SREK1IP1: variants seen among roughly 807,000 people sequenced by gnomAD.
The protein encoded by SREK1IP1 is protein SREK1IP1.
In SREK1IP1, 12 loss-of-function variants were observed where a neutral mutation model predicts 22.8. The observed-to-expected ratio is 0.53, with a 90% confidence interval of 0.34 to 0.85. The LOEUF (loss-of-function observed/expected upper bound fraction) is 0.85, where lower values mean the gene tolerates loss of function less well. Ranked by LOEUF, SREK1IP1 falls within the 40% of genes least tolerant of loss-of-function variation. The probability of loss-of-function intolerance (pLI) is 0.02; values close to 1 mark genes in which losing one functional copy is unlikely to be tolerated. For missense variants in SREK1IP1, 147 were observed against 171.8 expected, an observed-to-expected ratio of 0.86 and a Z score of 0.81; for synonymous variants, 53 against 52.7, an observed-to-expected ratio of 1.01 and a Z score of -0.02.
At chr5:64,725,844 T>C (rs1215952580) in intron 4 of SREK1IP1, among the ~76,000 whole-genome samples, 2 of 132,836 alleles carry the variant, frequency 1.5e-5, no homozygotes, top group Non-Finnish European at 3.0e-5. Flanking sequence ...TCCTGAAGTT[T>C]TTTTTTTTGT....
intron 1 of SREK1IP1, among the ~76,000 whole-genome samples, chr5:64,758,683 A>C (rs867210415): frequency 1.8e-4 from 27 of 152,356 alleles, no homozygotes; most frequent in Admixed American, 5.2e-4. Flanking sequence ...AAATGTTGTA[A>C]TAGATCTGAA....
intron 1 of SREK1IP1, among the ~76,000 whole-genome samples, chr5:64,759,524 T>C (rs1561392384): frequency 1.3e-5 from 2 of 151,960 alleles, no homozygotes; most frequent in African/African-American, 2.4e-5. Context: ...AAATTTGACA[T>C]TGGAAAAAAA....
At chr5:64,756,014 G>C (rs991548138) in intron 1 of SREK1IP1, among the ~76,000 whole-genome samples, 1 of 151,958 alleles carries the variant, frequency 6.6e-6, no homozygotes, top group African/African-American at 2.4e-5. Context: ...ATTTTGACAA[G>C]AGAAAACAAA....
At chr5:64,740,081 G>A (rs557856047) in intron 3 of SREK1IP1, among the ~76,000 whole-genome samples, 8 of 151,968 alleles carry the variant, frequency 5.3e-5, no homozygotes, top group African/African-American at 1.5e-4. Context: ...ATGGCATCAC[G>A]TTTAATCCCT....
chr5:64,753,308 A>G (rs550477388), intron 2 of SREK1IP1, among the ~76,000 whole-genome samples: 1 of 152,346 alleles, frequency 6.6e-6, no homozygotes, highest in Admixed American at 6.5e-5. Flanking sequence ...GAAAGTAAAC[A>G]AAGTTAGCAA....
intron 4 of SREK1IP1, among the ~76,000 whole-genome samples, chr5:64,725,293 G>A (rs960220391): frequency 4.6e-5 from 7 of 151,690 alleles, no homozygotes; most frequent in Non-Finnish European, 1.0e-4. Context: ...AAAAGAAAAA[G>A]AAAAAAACAG....
chr5:64,752,211 G>A (rs1742758100), intron 2 of SREK1IP1, among the ~76,000 whole-genome samples: 1 of 143,078 alleles, frequency 7.0e-6, no homozygotes, highest in Non-Finnish European at 1.5e-5. Flanking sequence ...GAGTGCAGTG[G>A]CGCAATCTCG....
At chr5:64,750,547 A>AT (rs1333921696) in intron 2 of SREK1IP1, among the ~76,000 whole-genome samples, 1 of 152,126 alleles carries the variant, frequency 6.6e-6, no homozygotes, top group Non-Finnish European at 1.5e-5. Flanking sequence ...GCATATTAGC[A>AT]TTTTTTATTT....
intron 3 of SREK1IP1, among the ~76,000 whole-genome samples, chr5:64,734,811 G>A (rs1366321133): frequency 1.3e-5 from 2 of 152,018 alleles, no homozygotes; most frequent in East Asian, 3.9e-4. Flanking sequence ...AAGCTTTTTT[G>A]AAAGATTCTG....
At chr5:64,765,274 A>G (rs1245523676) in intron 1 of SREK1IP1, among the ~76,000 whole-genome samples, 1 of 152,222 alleles carries the variant, frequency 6.6e-6, no homozygotes, top group Non-Finnish European at 1.5e-5. Context: ...CTTATACACA[A>G]TGCTATGGAA....
At chr5:64,761,775 TAC>T (rs1742955626) in intron 1 of SREK1IP1, among the ~76,000 whole-genome samples, 2 of 152,326 alleles carry the variant, frequency 1.3e-5, no homozygotes, top group South Asian at 4.1e-4. Context: ...CGTGTGCGTA[TAC>T]ACACACACTC....
At chr5:64,755,786 A>T (rs967430249) in intron 1 of SREK1IP1, among the ~76,000 whole-genome samples, 2 of 152,064 alleles carry the variant, frequency 1.3e-5, no homozygotes, top group Non-Finnish European at 2.9e-5. Flanking sequence ...GCATTGAGGA[A>T]GAAATTCCAG....
At chr5:64,724,838 T>C (rs1742236156) in intron 4 of SREK1IP1, among the ~76,000 whole-genome samples, 1 of 152,180 alleles carries the variant, frequency 6.6e-6, no homozygotes, top group African/African-American at 2.4e-5. Context: ...GAAATTATTT[T>C]TCTGTGATTT....
intron 2 of SREK1IP1, among the ~76,000 whole-genome samples, chr5:64,751,129 A>G (rs926472381): frequency 5.3e-5 from 8 of 152,168 alleles, no homozygotes; most frequent in Admixed American, 2.0e-4. Flanking sequence ...TGCCAAACCC[A>G]AAGAACATTT....
chr5:64,727,545 A>ATTTTT (rs1337958256), intron 4 of SREK1IP1: 1 of 122,550 alleles, frequency 8.2e-6, no homozygotes, highest in African/African-American at 4.9e-5. Context: ...ATATATATAT[A>ATTTTT]TATATATATT....
intron 3 of SREK1IP1, among the ~76,000 whole-genome samples, chr5:64,735,431 A>G (rs1742446388): frequency 1.3e-5 from 2 of 152,094 alleles, no homozygotes; most frequent in South Asian, 4.1e-4. Flanking sequence ...CAATTTTTAA[A>G]AAGATTTTAC....
chr5:64,758,654 T>C (rs1437410652), intron 1 of SREK1IP1, among the ~76,000 whole-genome samples: 1 of 152,242 alleles, frequency 6.6e-6, no homozygotes, highest in Admixed American at 6.5e-5. Context: ...GCATCATTAC[T>C]ATTACTACAA....
intron 2 of SREK1IP1, among the ~76,000 whole-genome samples, chr5:64,750,254 T>C (rs923367534): frequency 1.2e-4 from 18 of 152,212 alleles, no homozygotes; most frequent in African/African-American, 4.3e-4. Context: ...TTCATCCTTC[T>C]AGCTTTTTCA....
chr5:64,729,929 C>G (rs1358575880), intron 3 of SREK1IP1, among the ~76,000 whole-genome samples: 2 of 152,078 alleles, frequency 1.3e-5, no homozygotes, highest in Admixed American at 6.6e-5. Flanking sequence ...GTATGTGATT[C>G]TGAAGTTTAG....
Sources: gnomAD v4.1 joint callset for allele counts (sites outside exome capture counted in the v4.1 genomes callset) on GRCh38, gnomAD v4.1.1 for gene constraint, MANE v1.5 for transcripts, NCBI Gene and HGNC (gene_info 2026-07-23, HGNC 2026-07-21) for gene names.